Variants in PDZRN4 observed in about 807,000 individuals in gnomAD.
PDZRN4 encodes PDZ domain containing ring finger 4.
A neutral mutation model predicts 99.0 loss-of-function variants in PDZRN4; 70 were observed. That is an observed-to-expected ratio of 0.71 (90% CI 0.58 to 0.86). The LOEUF is 0.86. Ranked by LOEUF, PDZRN4 falls within the 40% of genes least tolerant of loss-of-function variation. PDZRN4 has a pLI of 0.00. For synonymous variants in PDZRN4, 551 were observed against 501.6 expected, an observed-to-expected ratio of 1.10 and a Z score of -1.32; for missense variants, 1,474 against 1,331.2, an observed-to-expected ratio of 1.11 and a Z score of -1.67.
chr12:41,553,232 A>G (rs1429479544), intron 6 of PDZRN4, among the ~76,000 whole-genome samples: 2 of 152,238 alleles, frequency 1.3e-5, no homozygotes, highest in African/African-American at 2.4e-5. Flanking sequence ...TGTTTTATTC[A>G]ACCCCGCAAG....
chr12:41,305,158 G>A (rs75520263), intron 3 of PDZRN4, among the ~76,000 whole-genome samples: 3 of 151,946 alleles, frequency 2.0e-5, no homozygotes, highest in Admixed American at 6.6e-5. Context: ...AAAATCATTC[G>A]GGTGTTTTGC....
intron 5 of PDZRN4, among the ~76,000 whole-genome samples, chr12:41,547,229 T>C (rs552703099): frequency 2.6e-5 from 4 of 152,340 alleles, no homozygotes; most frequent in Admixed American, 1.3e-4. Flanking sequence ...GCTTTGTTCT[T>C]TGTTTTAGAC....
intron 3 of PDZRN4, among the ~76,000 whole-genome samples, chr12:41,327,324 G>A (rs564478698): frequency 1.2e-4 from 19 of 152,264 alleles, no homozygotes; most frequent in African/African-American, 4.6e-4. Flanking sequence ...AATCCACAGT[G>A]CTAAAGCACA....
chr12:41,554,061 G>A (rs756720662), intron 6 of PDZRN4, among the ~76,000 whole-genome samples: 4 of 152,064 alleles, frequency 2.6e-5, no homozygotes, highest in Non-Finnish European at 5.9e-5. Flanking sequence ...TTTACTGACC[G>A]GCTTCTGCGA....
chr12:41,454,682 T>G (rs1466070734), intron 3 of PDZRN4, among the ~76,000 whole-genome samples: 1 of 152,226 alleles, frequency 6.6e-6, no homozygotes, highest in Admixed American at 6.5e-5. Context: ...AATATATCTG[T>G]GAACAGCTGT....
chr12:41,237,178 C>A (rs1336804501), intron 3 of PDZRN4, among the ~76,000 whole-genome samples: 1 of 152,066 alleles, frequency 6.6e-6, no homozygotes, highest in Non-Finnish European at 1.5e-5. Flanking sequence ...CTCATAGGCA[C>A]TTCTTGGGAA....
chr12:41,216,709 A>G (rs1323448782), intron 3 of PDZRN4, among the ~76,000 whole-genome samples: 2 of 152,072 alleles, frequency 1.3e-5, no homozygotes, highest in Non-Finnish European at 2.9e-5. Flanking sequence ...GCTCTGATCA[A>G]TTCATCTAAT....
intron 3 of PDZRN4, among the ~76,000 whole-genome samples, chr12:41,226,189 C>G (rs1008084765): frequency 6.6e-6 from 1 of 151,996 alleles, no homozygotes; most frequent in African/African-American, 2.4e-5. Flanking sequence ...CCCATTTGCT[C>G]ACCAGCTTCA....
chr12:41,400,047 C>T (rs1038631421), intron 3 of PDZRN4, among the ~76,000 whole-genome samples: 5 of 152,070 alleles, frequency 3.3e-5, no homozygotes, highest in Non-Finnish European at 7.3e-5. Context: ...GGCTATTGTG[C>T]AACTTTTCAA....
chr12:41,463,411 AT>A (rs1952890967), intron 3 of PDZRN4, among the ~76,000 whole-genome samples: 1 of 152,192 alleles, frequency 6.6e-6, no homozygotes, highest in Non-Finnish European at 1.5e-5. Context: ...CTGGATTAGA[AT>A]TATTCAGATT....
intron 3 of PDZRN4, among the ~76,000 whole-genome samples, chr12:41,214,721 A>C (rs554116015): frequency 6.6e-6 from 1 of 152,010 alleles, no homozygotes; most frequent in South Asian, 2.1e-4. Context: ...CTTACTGTGG[A>C]GATTAGGGCT....
At chr12:41,399,611 C>T (rs529771978) in intron 3 of PDZRN4, among the ~76,000 whole-genome samples, 1 of 151,806 alleles carries the variant, frequency 6.6e-6, no homozygotes, top group South Asian at 2.1e-4. Flanking sequence ...TGGTGGGTGC[C>T]TATAATGCCA....
intron 3 of PDZRN4, among the ~76,000 whole-genome samples, chr12:41,324,359 C>CAGT (rs1451516175): frequency 1.7e-4 from 26 of 152,146 alleles, no homozygotes; most frequent in Admixed American, 1.4e-3. Flanking sequence ...CTGTTTTAAT[C>CAGT]AGTAGTTCAG....
At position 41,368,053 on chromosome 12, in the gene PDZRN4, G is replaced by C. The variant is rs74077549; in HGVS notation, c.844-138403G>C. On this transcript the variant is annotated intron_variant, in intron 3 of 9. Coordinates refer to ENST00000402685, the MANE Select transcript of PDZRN4 (RefSeq NM_001164595.2). ...GAGTTACCTCCCTATCTAATTAGCA[G>C]GGCACTTGGCTTTCCTCTCCTTGTC... 3.9e-3 allele frequency among the ~76,000 whole-genome samples: 589 copies of C among 152,170 alleles called. 1 individual carries two copies. The highest frequency in any genetic ancestry group is 0.014 in the African/African-American group (569 of 41,540).
chr12:41,307,067 T>G (rs1951576057), intron 3 of PDZRN4, among the ~76,000 whole-genome samples: 1 of 152,300 alleles, frequency 6.6e-6, no homozygotes, highest in Middle Eastern at 3.4e-3. Flanking sequence ...ATCATGCACC[T>G]TGAAATGAGC....
chr12:41,281,231 A>C (rs1951383765), intron 3 of PDZRN4, among the ~76,000 whole-genome samples: 1 of 151,974 alleles, frequency 6.6e-6, no homozygotes, highest in African/African-American at 2.4e-5. Flanking sequence ...GCAAAGATCA[A>C]AGGTAGATAA....
chr12:41,350,699 A>G (rs2121038005), intron 3 of PDZRN4, among the ~76,000 whole-genome samples: 1 of 152,254 alleles, frequency 6.6e-6, no homozygotes, highest in African/African-American at 2.4e-5. Context: ...AACAATAGAT[A>G]TAACTTTCAA....
intron 3 of PDZRN4, among the ~76,000 whole-genome samples, chr12:41,419,725 G>A (rs1175995546): frequency 1.3e-5 from 2 of 151,950 alleles, no homozygotes; most frequent in East Asian, 1.9e-4. Flanking sequence ...TATGGCTCTC[G>A]GTTAATGACT....
At chr12:41,282,669 A>G (rs1015712161) in intron 3 of PDZRN4, among the ~76,000 whole-genome samples, 6 of 152,186 alleles carry the variant, frequency 3.9e-5, no homozygotes, top group African/African-American at 1.4e-4. Flanking sequence ...CAAAACAAAC[A>G]GTCTCTCAGA....
Sources: allele counts gnomAD v4.1 joint callset (sites outside exome capture counted in the v4.1 genomes callset), GRCh38; gene constraint gnomAD v4.1.1; transcripts MANE v1.5; gene names NCBI Gene and HGNC (gene_info 2026-07-23, HGNC 2026-07-21).